TNFSF12: variants seen among roughly 807,000 people sequenced by gnomAD.
The protein encoded by TNFSF12 is TNF superfamily member 12, also known as tumor necrosis factor ligand superfamily member 12.
A neutral mutation model predicts 31.2 loss-of-function variants in TNFSF12; 16 were observed. That is an observed-to-expected ratio of 0.51 (90% CI 0.35 to 0.78). The LOEUF (loss-of-function observed/expected upper bound fraction) is 0.78. Ranked by LOEUF, TNFSF12 falls within the 30% of genes least tolerant of loss-of-function variation. The probability of loss-of-function intolerance (pLI) is 0.01; values close to 1 mark genes in which losing one functional copy is unlikely to be tolerated. For missense variants in TNFSF12, 324 were observed against 338.8 expected, an observed-to-expected ratio of 0.96 and a Z score of 0.34; for synonymous variants, 150 against 151.4, an observed-to-expected ratio of 0.99 and a Z score of 0.07.
At position 7,549,071 on chromosome 17, in the gene TNFSF12, G is replaced by T; in HGVS notation, c.-83G>T. 6.8e-6 allele frequency: 6 copies of T among 884,810 alleles called. No homozygotes were observed. In the South Asian group the frequency reaches 3.0e-4, roughly 44 times the overall value. 54.8% of individuals were successfully genotyped at this position (884,810 alleles called of 1,614,324 possible). A position where few individuals can be genotyped will look rare whatever the true frequency, so the allele number is the denominator to read the frequency against. On this transcript the variant is annotated 5_prime_UTR_variant, in exon 1 of 7. Coordinates refer to ENST00000293825, the MANE Select transcript of TNFSF12 (RefSeq NM_003809.3). The surrounding 1 kb of genome is among the most constrained non-coding windows in gnomAD (Gnocchi z 4.1). ...CCTTGCCCCTCCCTCTCCCCGGCCC[G>T]ATCCGCCCGCCGGCTCCCCCTCCCC...
In TNFSF12 at chr17:7,549,741, GT is replaced by G; in HGVS notation, c.207+223del. 1.3e-6 allele frequency: 1 copy of G among 745,256 alleles called. No homozygotes were observed. The highest frequency in any genetic ancestry group is 2.1e-6 in the Non-Finnish European group (1 of 479,240). The allele number at this position is 745,256 out of a possible 1,614,324, so 46.2% of individuals were successfully genotyped here. A position where few individuals can be genotyped will look rare whatever the true frequency, so the allele number is the denominator to read the frequency against. On this transcript the variant is annotated intron_variant, in intron 2 of 6. Coordinates refer to ENST00000293825, the MANE Select transcript of TNFSF12 (RefSeq NM_003809.3). The surrounding 1 kb of genome is among the most constrained non-coding windows in gnomAD (Gnocchi z 4.1). The stretch of plus-strand genomic sequence containing the variant: ...GGGTTGTGCCACCTGAGTCTGAGGT[GT>G]TTATTGGCTGGGGGTGACGTGGTTG...
chr17:7,556,250 G>A (rs2071064285), intron 5 of TNFSF12, among the ~76,000 whole-genome samples: 1 of 152,068 alleles, frequency 6.6e-6, no homozygotes, highest in Non-Finnish European at 1.5e-5. Flanking sequence ...CAAAATGCCG[G>A]GATGACAGGC....
intron 5 of TNFSF12, among the ~76,000 whole-genome samples, chr17:7,551,669 C>T (rs1053656430): frequency 2.6e-5 from 4 of 152,056 alleles, no homozygotes; most frequent in African/African-American, 9.7e-5. Context: ...AGTGCTCAGC[C>T]GAGGGGTTCA....
rs1196455086 is a variant in TNFSF12, at chr17:7,550,857, G to A, written c.337+5G>A. 3 of 1,613,074 alleles carry A rather than the reference G, an allele frequency of 1.9e-6. No individual in the cohort carries two copies. The highest frequency in any genetic ancestry group is 2.5e-6 in the Non-Finnish European group (3 of 1,179,230). On this transcript the variant is annotated splice_donor_5th_base_variant and intron_variant, in intron 4 of 6. Coordinates refer to ENST00000293825, the MANE Select transcript of TNFSF12 (RefSeq NM_003809.3). The surrounding 1 kb of genome is among the most constrained non-coding windows in gnomAD (Gnocchi z 4.4). ...CGATCGCAGCCCATTATGAAGGTGGGTGATGGGTGAGCCATACCCAGGAGG... is the reference window on the plus strand; with the variant it reads ...CGATCGCAGCCCATTATGAAGGTGGATGATGGGTGAGCCATACCCAGGAGG...
rs1307272570 is a variant in TNFSF12, at chr17:7,550,972, C to A, written c.367C>A (p.Gln123Lys). ...VHPRPGQDGA[Q>K]AGVDGTVSGW... ...TCCACGACCTGGACAGGACGGAGCG[C>A]AGGCAGGTGAGACCCCATCCCCCGA... The change falls in exon 5 of 7, where the codon CAG becomes AAG. Residue 123 changes from glutamine (Q) to lysine (K), a missense_variant. Gln to Lys is a moderately conservative substitution (Grantham distance 53). Coordinates refer to ENST00000293825, the MANE Select transcript of TNFSF12 (RefSeq NM_003809.3). This position sits in a 1 kb window ranked among gnomAD's most constrained non-coding sequence, Gnocchi z 4.4. The A allele has an allele frequency of 6.2e-7, 1 of 1,613,886 alleles. No homozygotes were observed. The highest frequency in any genetic ancestry group is 1.3e-5 in the African/African-American group (1 of 75,016).
chr17:7,549,624 T>C lies in TNFSF12; in HGVS notation c.207+103T>C. The stretch of plus-strand genomic sequence containing the variant: ...CTGTGCCAGCCGTACTCGAGGTGTG[T>C]GCAGGGTGTGTGTGAACACAGTGCG... On this transcript the variant is annotated intron_variant, in intron 2 of 6. Coordinates refer to ENST00000293825, the MANE Select transcript of TNFSF12 (RefSeq NM_003809.3). This position sits in a 1 kb window ranked among gnomAD's most constrained non-coding sequence, Gnocchi z 4.1. 7.0e-7 allele frequency: 1 copy of C among 1,432,110 alleles called. No individual in the cohort carries two copies. Among genetic ancestry groups the C allele is most frequent in the Admixed American group, 2.5e-5 (1 of 40,248 alleles). The allele number at this position is 1,432,110 out of a possible 1,614,324, so 88.7% of individuals were successfully genotyped here.
At chr17:7,555,972 C>T (rs1367946636) in intron 5 of TNFSF12, among the ~76,000 whole-genome samples, 153 of 14,592 alleles carry the variant, frequency 0.01, 3 homozygotes, top group African/African-American at 0.016. Context: ...GCCCAGTGAG[C>T]GTTTTTTTTG....
chr17:7,554,780 A>G (rs1187653808), intron 5 of TNFSF12, among the ~76,000 whole-genome samples: 2 of 133,720 alleles, frequency 1.5e-5, no homozygotes, highest in Non-Finnish European at 3.2e-5. Flanking sequence ...ACGCCTGGCT[A>G]ATTTTTTTTT....
Position 7,549,656 on chromosome 17 carries a change from G to A in TNFSF12, c.207+135G>A. On this transcript the variant is annotated intron_variant, in intron 2 of 6. Transcript: ENST00000293825. This position sits in a 1 kb window ranked among gnomAD's most constrained non-coding sequence, Gnocchi z 4.1. ...TGTGTGTGAACACAGTGCGTGCATG[G>A]GTGCGTGTCTGCAGGGGTGTGTGTG... is the stretch of plus-strand genomic sequence containing the variant. 2 of 1,355,814 alleles carry A rather than the reference G, an allele frequency of 1.5e-6. No individual in the cohort carries two copies. The highest frequency in any genetic ancestry group is 1.9e-6 in the Non-Finnish European group (2 of 1,026,400). The allele number at this position is 1,355,814 out of a possible 1,614,324, so 84.0% of individuals were successfully genotyped here. A position where few individuals can be genotyped will look rare whatever the true frequency, so the allele number is the denominator to read the frequency against.
chr17:7,549,576 G>A lies in TNFSF12; in HGVS notation c.207+55G>A. 2 of 1,487,960 alleles carry A rather than the reference G, an allele frequency of 1.3e-6. No homozygotes were observed. Among genetic ancestry groups the A allele is most frequent in the Non-Finnish European group, 1.8e-6 (2 of 1,113,902 alleles). 92.2% of individuals were successfully genotyped at this position (1,487,960 alleles called of 1,614,324 possible). A position where few individuals can be genotyped will look rare whatever the true frequency, so the allele number is the denominator to read the frequency against. The stretch of plus-strand genomic sequence containing the variant: ...TGCTGGGGCATGGGAAGTGTGCACA[G>A]CCGAGGCTGCAGGTGTGTGCAGCTG... On this transcript the variant is annotated intron_variant, in intron 2 of 6. Transcript: ENST00000293825. This position sits in a 1 kb window ranked among gnomAD's most constrained non-coding sequence, Gnocchi z 4.1.
intron 5 of TNFSF12, among the ~76,000 whole-genome samples, chr17:7,555,278 G>A (rs1295527922): frequency 2.6e-5 from 4 of 152,120 alleles, no homozygotes; most frequent in Non-Finnish European, 5.9e-5. Flanking sequence ...GCAAGGTGCC[G>A]CTGGGCCTTG....
intron 5 of TNFSF12, chr17:7,553,755 G>C (rs1222441636): frequency 9.8e-6 from 12 of 1,225,540 alleles, no homozygotes; most frequent in Non-Finnish European, 1.2e-5. Flanking sequence ...AGGGGAGAGG[G>C]AAGTTTCCAG....
Position 7,557,439 on chromosome 17 carries a change from C to T in TNFSF12, c.*89C>T. The T allele has an allele frequency of 1.3e-5, 20 of 1,485,838 alleles. No homozygotes were observed. The highest frequency in any genetic ancestry group is 1.8e-5 in the Non-Finnish European group (20 of 1,120,074). 92.0% of individuals were successfully genotyped at this position (1,485,838 alleles called of 1,614,324 possible). A position where few individuals can be genotyped will look rare whatever the true frequency, so the allele number is the denominator to read the frequency against. On this transcript the variant is annotated 3_prime_UTR_variant, in exon 7 of 7. Transcript: ENST00000293825. This position sits in a 1 kb window ranked among gnomAD's most constrained non-coding sequence, Gnocchi z 5.2. ...CCGGTCCCCTCTGCCCCACCCTCAG[C>T]CGCTCTTTGCTCCAGACCTGCCCCT...
chr17:7,549,461 T>G lies in TNFSF12; in HGVS notation c.160-13T>G. The G allele has an allele frequency of 6.6e-7, 1 of 1,513,716 alleles. No homozygotes were observed. Among genetic ancestry groups the G allele is most frequent in the East Asian group, 2.5e-5 (1 of 40,346 alleles). The allele number at this position is 1,513,716 out of a possible 1,614,324, so 93.8% of individuals were successfully genotyped here. On this transcript the variant is annotated splice_polypyrimidine_tract_variant and intron_variant, in intron 1 of 6. Coordinates refer to ENST00000293825, the MANE Select transcript of TNFSF12 (RefSeq NM_003809.3). This position sits in a 1 kb window ranked among gnomAD's most constrained non-coding sequence, Gnocchi z 4.1. The stretch of plus-strand genomic sequence containing the variant: ...TGGAGCGGCACAGGGTGACGCTCCC[T>G]CCTTCCCAGCAGGAGCCTGCCCAGG...
At chr17:7,553,601 A>G in intron 5 of TNFSF12, 1 of 1,292,484 alleles carries the variant, frequency 7.7e-7, no homozygotes, top group Non-Finnish European at 1.0e-6. Flanking sequence ...AGGTTACACA[A>G]CTTGTCTGAG....
In TNFSF12 at chr17:7,550,801, C is replaced by A. The variant is rs755191711; in HGVS notation, c.286C>A (p.Pro96Thr). The stretch of plus-strand genomic sequence containing the variant: ...ATCTGTCTTTCCTTGATCCTCAGCA[C>A]CTAAAGGCCGGAAAACACGGGCTCG... The part of the protein sequence containing the change: ...NRLVRPRRSA[P>T]KGRKTRARRA... The change falls in exon 4 of 7, where the codon CCT becomes ACT. Residue 96 changes from proline (P) to threonine (T), a missense_variant and splice_region_variant. By Grantham distance (38) the Pro-to-Thr change is conservative. Transcript: ENST00000293825. The surrounding 1 kb of genome is among the most constrained non-coding windows in gnomAD (Gnocchi z 4.4). 6.2e-7 allele frequency: 1 copy of A among 1,610,418 alleles called. No individual in the cohort carries two copies. Among genetic ancestry groups the A allele is most frequent in the Non-Finnish European group, 8.5e-7 (1 of 1,176,996 alleles).
chr17:7,550,175 T>C lies in TNFSF12; in HGVS notation c.263T>C (p.Leu88Pro), dbSNP rs1442947487. 3 of 1,614,070 alleles carry C rather than the reference T, an allele frequency of 1.9e-6. No individual in the cohort carries two copies. Among genetic ancestry groups the C allele is most frequent in the Non-Finnish European group, 2.5e-6 (3 of 1,180,030 alleles). ...SQDPAPFLNRLVRPRRSAPKG... is the reference protein window; with the variant it reads ...SQDPAPFLNRPVRPRRSAPKG... ...GATCCTGCGCCTTTCCTGAACCGAC[T>C]AGTTCGGCCTCGCAGAAGTGGTGAG... Residue 88 changes from leucine to proline, a missense_variant, in exon 3 of 7, where the codon CTA becomes CCA. By Grantham distance (98) the Leu-to-Pro change is moderately conservative (BLOSUM62 -3). Coordinates refer to ENST00000293825, the MANE Select transcript of TNFSF12 (RefSeq NM_003809.3). The surrounding 1 kb of genome is among the most constrained non-coding windows in gnomAD (Gnocchi z 4.4).
Position 7,549,692 on chromosome 17 carries a change from ACT to A in TNFSF12, c.207+174_207+175del. ...GCAGGGGTGTGTGTGCGTGGTGACA[ACT>A]CTGTGTGAGGGGTTTGTGCTGGGGT... On this transcript the variant is annotated intron_variant, in intron 2 of 6. Transcript: ENST00000293825. This position sits in a 1 kb window ranked among gnomAD's most constrained non-coding sequence, Gnocchi z 4.1. 1 of 1,130,948 alleles carries A rather than the reference ACT, an allele frequency of 8.8e-7. No homozygotes were observed. The highest frequency in any genetic ancestry group is 1.2e-6 in the Non-Finnish European group (1 of 832,014). The allele number at this position is 1,130,948 out of a possible 1,614,324, so 70.1% of individuals were successfully genotyped here.
rs775795633 is a variant in TNFSF12, at chr17:7,557,168, C to A, written c.568C>A (p.Arg190Ser). The A allele has an allele frequency of 6.2e-7, 1 of 1,612,358 alleles. No individual in the cohort carries two copies. The highest frequency in any genetic ancestry group is 8.5e-7 in the Non-Finnish European group (1 of 1,178,894). The change falls in exon 7 of 7, where the codon CGC becomes AGC. Residue 190 changes from arginine (R) to serine (S), a missense_variant. Arg to Ser is a moderately radical substitution (Grantham distance 110). Coordinates refer to ENST00000293825, the MANE Select transcript of TNFSF12 (RefSeq NM_003809.3). The surrounding 1 kb of genome is among the most constrained non-coding windows in gnomAD (Gnocchi z 5.2). ...DLLVDGVLAL[R>S]CLEEFSATAA... ...GCTGGTGGATGGTGTGCTGGCCCTG[C>A]GCTGCCTGGAGGAATTCTCAGCCAC...
Sources: gnomAD v4.1 joint callset for allele counts (sites outside exome capture counted in the v4.1 genomes callset) on GRCh38, gnomAD v4.1.1 for gene constraint, Gnocchi (gnomAD v3.1) non-coding constraint, MANE v1.5 for transcripts, NCBI Gene and HGNC (gene_info 2026-07-23, HGNC 2026-07-21) for gene names.